Variants in FBN1 observed in about 807,000 individuals in gnomAD.
The protein encoded by FBN1 is fibrillin-1.
FBN1 carries 29 observed loss-of-function variants against 365.1 expected under a neutral mutation model. The ratio of observed to expected loss-of-function variants is 0.08; its 90% confidence interval spans 0.06 to 0.11. The LOEUF (loss-of-function observed/expected upper bound fraction) is 0.11, where lower values mean the gene tolerates loss of function less well. Among genes scored for constraint, FBN1 ranks in the 10% least tolerant of loss-of-function variants. FBN1 has a pLI of 1.00. For synonymous variants in FBN1, 1,210 were observed against 1,270.5 expected (o/e 0.95, Z 1.01); for missense variants, 2,476 against 3,703.2 (o/e 0.67, Z 8.60).
intron 13 of FBN1, 83 bp downstream of exon 13, chr15:48,513,466 T>C: frequency 3.1e-6 from 5 of 1,603,766 alleles, no homozygotes; most frequent in Non-Finnish European, 4.3e-6. Flanking sequence ...GCATGGGTTA[T>C]TTAAACTCCA....
At chr15:48,499,533 G>C (rs2043637621) in intron 17 of FBN1, among the ~76,000 whole-genome samples, 1 of 152,012 alleles carries the variant, frequency 6.6e-6, no homozygotes. Context: ...ACCTACTCTT[G>C]CATTTAAGTG....
At chr15:48,561,925 T>C (rs2044224861) in intron 6 of FBN1, among the ~76,000 whole-genome samples, 1 of 152,144 alleles carries the variant, frequency 6.6e-6, no homozygotes, top group African/African-American at 2.4e-5. Context: ...AAGCCCAAAT[T>C]TTAGTGTCCA....
At chr15:48,570,976 G>C (rs1306838906) in intron 6 of FBN1, among the ~76,000 whole-genome samples, 2 of 152,124 alleles carry the variant, frequency 1.3e-5, no homozygotes, top group Non-Finnish European at 2.9e-5. Flanking sequence ...AATAGTGAGG[G>C]TACATTGTTT....
At chr15:48,567,353 T>C (rs1485458639) in intron 6 of FBN1, among the ~76,000 whole-genome samples, 1 of 152,194 alleles carries the variant, frequency 6.6e-6, no homozygotes, top group Non-Finnish European at 1.5e-5. Context: ...TAAGAAATGA[T>C]TTTTAAATGA....
At chr15:48,483,253 A>G (rs1310842401) in intron 31 of FBN1, among the ~76,000 whole-genome samples, 2 of 152,230 alleles carry the variant, frequency 1.3e-5, no homozygotes, top group African/African-American at 2.4e-5. Flanking sequence ...AAACAGCTAG[A>G]GGAATGATTG....
Position 48,489,848 on chromosome 15 carries a change from T to G in FBN1, c.3082+3A>C. 1 of 1,613,334 alleles carries G rather than the reference T, an allele frequency of 6.2e-7. No individual in the cohort carries two copies. On this transcript the variant is annotated splice_donor_region_variant and intron_variant, in intron 25 of 65. Coordinates refer to ENST00000316623, the MANE Select transcript of FBN1 (RefSeq NM_000138.5). ...ATTGGCCATGGAAAACGTAACATTG[T>G]ACCTTTGAAGAAAGGCTTTCCATTT...
chr15:48,482,053 T>C (rs2043469423), intron 31 of FBN1, among the ~76,000 whole-genome samples: 1 of 152,182 alleles, frequency 6.6e-6, no homozygotes, highest in African/African-American at 2.4e-5. Context: ...AGCTCGTTTA[T>C]GTGACAGTCT....
In FBN1 at chr15:48,446,731, G is replaced by A. The variant is rs867817680; in HGVS notation, c.5763C>T (p.Ile1921=). ...SFNCRCNHGF[I]LSHNNDCIDV... ...CTATACAGTCATTGTTGTGAGAAAG[G>A]ATGAAACCATGATTGCAGCGGCAGT... Residue 1921 remains isoleucine, a synonymous_variant, in exon 47 of 66, where the codon ATC becomes ATT. Transcript: ENST00000316623. The A allele has an allele frequency of 6.2e-7, 1 of 1,612,572 alleles. No homozygotes were observed.
intron 15 of FBN1, among the ~76,000 whole-genome samples, chr15:48,506,461 A>C (rs934259495): frequency 2.0e-5 from 3 of 152,256 alleles, no homozygotes; most frequent in Admixed American, 6.5e-5. Context: ...ACAGGAACTC[A>C]AATTGGTTAG....
rs969129132 is a variant in FBN1, at chr15:48,470,530, T to C, written c.4459+104A>G. 23 of 1,509,896 alleles carry C rather than the reference T, an allele frequency of 1.5e-5. No homozygotes were observed. In the Admixed American group the frequency reaches 3.9e-4, roughly 25 times the overall value. 93.5% of individuals were successfully genotyped at this position (1,509,896 alleles called of 1,614,324 possible). On this transcript the variant is annotated intron_variant, in intron 36 of 65. Transcript: ENST00000316623. ...TGATTCTTAATACTTCCCCCTTGCT[T>C]TTCTTGTCTTCTGTGACGGCCCTTG...
intron 51 of FBN1, 138 bp downstream of exon 51, chr15:48,437,630 T>C: frequency 9.7e-7 from 1 of 1,033,474 alleles, no homozygotes. Context: ...TGAGATAAAA[T>C]AATTTTTAAT....
chr15:48,512,402 T>C (rs1194355099), intron 13 of FBN1, among the ~76,000 whole-genome samples: 2 of 152,198 alleles, frequency 1.3e-5, no homozygotes, highest in African/African-American at 4.8e-5. Context: ...TGGGGGTTTG[T>C]TGTACAGATT....
chr15:48,425,394 C>A lies in FBN1; in HGVS notation c.7428G>T (p.Leu2476=). 6.2e-7 allele frequency: 1 copy of A among 1,614,202 alleles called. No individual in the cohort carries two copies. Among genetic ancestry groups the A allele is most frequent in the South Asian group, 1.1e-5 (1 of 91,086 alleles). The change falls in exon 60 of 66, where the codon CTG becomes CTT. Residue 2476 remains leucine (L), a synonymous_variant. Transcript: ENST00000316623. ...CTTTGCAGCTCCTTCCATCCTCTTGCAGAATGTAGCCTTTCGGGCATGAAC... is the reference window on the plus strand; with the variant it reads ...CTTTGCAGCTCCTTCCATCCTCTTGAAGAATGTAGCCTTTCGGGCATGAAC... The part of the protein sequence containing the change: ...YQCSCPKGYI[L]QEDGRSCKDL...
At chr15:48,431,546 T>A (rs2043022778) in intron 55 of FBN1, among the ~76,000 whole-genome samples, 10 of 152,050 alleles carry the variant, frequency 6.6e-5, no homozygotes, top group Admixed American at 6.6e-4. Context: ...TCACAATATA[T>A]GATAAGGCAA....
At chr15:48,511,068 G>T (rs899196259) in intron 13 of FBN1, among the ~76,000 whole-genome samples, 2 of 152,212 alleles carry the variant, frequency 1.3e-5, no homozygotes, top group African/African-American at 4.8e-5. Context: ...TTGGATGCGA[G>T]CATTCCTATC....
intron 2 of FBN1, among the ~76,000 whole-genome samples, chr15:48,636,558 C>T (rs900747869): frequency 2.6e-5 from 4 of 152,166 alleles, no homozygotes; most frequent in African/African-American, 9.7e-5. Flanking sequence ...TCAATGGCTC[C>T]ATCCCGGGGG....
intron 60 of FBN1, among the ~76,000 whole-genome samples, chr15:48,425,027 G>A (rs1239231168): frequency 2.0e-5 from 3 of 152,162 alleles, no homozygotes; most frequent in Non-Finnish European, 4.4e-5. Flanking sequence ...TAGCTATAAA[G>A]AATAAATACA....
In FBN1 at chr15:48,474,245, G is replaced by A. The variant is rs200548889; in HGVS notation, c.4210+10C>T. ...TAGTGTTGACACAGTTGTTTCCAGC[G>A]TGAACATACCTGTACAAGTGAAGCC... On this transcript the variant is annotated intron_variant, in intron 34 of 65. Coordinates refer to ENST00000316623, the MANE Select transcript of FBN1 (RefSeq NM_000138.5). 5.6e-5 allele frequency: 90 copies of A among 1,613,934 alleles called. No individual in the cohort carries two copies. In the East Asian group the frequency reaches 6.5e-4, roughly 12 times the overall value.
At chr15:48,602,770 G>GA (rs1450409696) in intron 4 of FBN1, among the ~76,000 whole-genome samples, 2 of 151,552 alleles carry the variant, frequency 1.3e-5, no homozygotes, top group East Asian at 1.9e-4. Context: ...CGTATACAAA[G>GA]AAAAAAAATG....
Sources: allele counts gnomAD v4.1 joint callset (sites outside exome capture counted in the v4.1 genomes callset), GRCh38; gene constraint gnomAD v4.1.1; transcripts MANE v1.5; gene names NCBI Gene and HGNC (gene_info 2026-07-23, HGNC 2026-07-21).